Variants in SNRK observed in about 807,000 individuals in gnomAD.
The protein encoded by SNRK is SNF related kinase, also known as SNF-related serine/threonine-protein kinase.
Under a neutral mutation model 48.2 loss-of-function variants are expected in SNRK, and 3 were observed. The observed-to-expected ratio is 0.06, with a 90% CI of 0.03 to 0.16. The LOEUF (loss-of-function observed/expected upper bound fraction) is 0.16, where lower values mean the gene tolerates loss of function less well. Among genes scored for constraint, SNRK ranks in the 10% least tolerant of loss-of-function variants. The pLI is 1.00. For missense variants in SNRK, 627 were observed against 976.0 expected (o/e 0.64, Z 4.76); for synonymous variants, 376 against 366.1 (o/e 1.03, Z -0.31).
At chr3:43,310,010 A>G (rs977677278) in intron 3 of SNRK, among the ~76,000 whole-genome samples, 9 of 152,178 alleles carry the variant, frequency 5.9e-5, no homozygotes, top group Admixed American at 2.0e-4. Context: ...TAGTATAAAC[A>G]TAACTTTTTA....
In SNRK at chr3:43,293,900, CAG is replaced by C. The variant is rs374892120; in HGVS notation, c.-168-5851_-168-5850del. 3.0e-3 allele frequency among the ~76,000 whole-genome samples: 461 copies of C among 151,428 alleles called. 4 individuals carry two copies. The highest frequency in any genetic ancestry group is 0.011 in the African/African-American group (439 of 41,212). ...TGCCACTGCAATCCAGCCTGTGTGA[CAG>C]AGTGAGGCTCTGTCTCAAGAAAAAA... On this transcript the variant is annotated intron_variant, in intron 1 of 6. Coordinates refer to ENST00000296088, the MANE Select transcript of SNRK (RefSeq NM_017719.5).
At chr3:43,296,417 T>TATATATATATATAC (rs1553632574) in intron 1 of SNRK, among the ~76,000 whole-genome samples, 106 of 128,986 alleles carry the variant, frequency 8.2e-4, no homozygotes, top group African/African-American at 3.2e-3. Flanking sequence ...TATACTGGCA[T>TATATATATATATAC]ATATATATAT....
chr3:43,288,821 G>T (rs2090787308), intron 1 of SNRK, among the ~76,000 whole-genome samples: 1 of 152,188 alleles, frequency 6.6e-6, no homozygotes, highest in Non-Finnish European at 1.5e-5. Context: ...CTTAAAGATA[G>T]AGTGTTTATA....
At chr3:43,346,512 G>A (rs1447541256) in intron 6 of SNRK, among the ~76,000 whole-genome samples, 2 of 152,180 alleles carry the variant, frequency 1.3e-5, no homozygotes, top group Non-Finnish European at 2.9e-5. Flanking sequence ...GCTCCAGGTT[G>A]GGAGATAAAA....
intron 4 of SNRK, among the ~76,000 whole-genome samples, chr3:43,333,876 A>G (rs1032493231): frequency 6.6e-6 from 1 of 152,068 alleles, no homozygotes; most frequent in Non-Finnish European, 1.5e-5. Context: ...GGCTGGGCGC[A>G]GTGGCTCACA....
At chr3:43,332,415 A>G (rs1209718207) in intron 4 of SNRK, 105 bp downstream of exon 4, 4 of 635,440 alleles carry the variant, frequency 6.3e-6, no homozygotes, top group African/African-American at 2.0e-5. Flanking sequence ...CAAACATCCA[A>G]GCATCTGGGT....
intron 3 of SNRK, among the ~76,000 whole-genome samples, chr3:43,329,957 T>C (rs1159379242): frequency 1.3e-5 from 2 of 152,334 alleles, no homozygotes; most frequent in African/African-American, 4.8e-5. Flanking sequence ...CTATCAGATA[T>C]CCAGTTTGGC....
chr3:43,347,576 G>T lies in SNRK; in HGVS notation c.1317G>T (p.Arg439=), dbSNP rs765798650. The change falls in exon 7 of 7, where the codon CGG becomes CGT. Residue 439 remains arginine (R), a synonymous_variant. Coordinates refer to ENST00000296088, the MANE Select transcript of SNRK (RefSeq NM_017719.5). This position sits in a 1 kb window ranked among gnomAD's most constrained non-coding sequence, Gnocchi z 5.4. Reference sequence around the variant, plus strand: ...GCTTAAAACCCACAGCCAGTGGGCGGAAGTGTCTGTTCAGGGTGGAAGAAG... The same window carrying T: ...GCTTAAAACCCACAGCCAGTGGGCGTAAGTGTCTGTTCAGGGTGGAAGAAG... The part of the protein sequence containing the change: ...PASLKPTASG[R]KCLFRVEEDE... 6.2e-7 allele frequency: 1 copy of T among 1,614,054 alleles called. No individual in the cohort carries two copies. Among genetic ancestry groups the T allele is most frequent in the Middle Eastern group, 1.6e-4 (1 of 6,062 alleles).
chr3:43,335,785 T>C (rs369179133), intron 4 of SNRK, among the ~76,000 whole-genome samples: 11 of 152,338 alleles, frequency 7.2e-5, no homozygotes, highest in African/African-American at 2.4e-4. Flanking sequence ...CTTCCCATTC[T>C]ATCAATTTGT....
chr3:43,321,312 ATGTTACTTT>A (rs60641695), intron 3 of SNRK, among the ~76,000 whole-genome samples: 1,580 of 152,234 alleles, frequency 0.01, 25 homozygotes, highest in African/African-American at 0.035. Flanking sequence ...AATTGTTTTT[ATGTTACTTT>A]ATGTAAGATA....
chr3:43,309,625 T>TA (rs1176338414), intron 3 of SNRK, among the ~76,000 whole-genome samples: 3 of 151,470 alleles, frequency 2.0e-5, no homozygotes, highest in Non-Finnish European at 2.9e-5. Flanking sequence ...TTTTTTTTTT[T>TA]TTATTCTTTG....
In SNRK at chr3:43,348,265, A is replaced by G; in HGVS notation, c.2006A>G (p.Gln669Arg). The change falls in exon 7 of 7, where the codon CAG becomes CGG. Residue 669 changes from glutamine (Q) to arginine (R), a missense_variant. Transcript: ENST00000296088. ...HGSTKYIIDP[Q>R]NGLSFSSVKV... ...AGCACCAAGTACATTATTGATCCAC[A>G]GAATGGCTTGTCATTTTCCAGTGTG... The G allele has an allele frequency of 1.2e-6, 2 of 1,614,150 alleles. No homozygotes were observed. The highest frequency in any genetic ancestry group is 2.7e-5 in the African/African-American group (2 of 75,056).
At position 43,301,652 on chromosome 3, in the gene SNRK, A is replaced by G. The variant is rs566760779; in HGVS notation, c.-106-1446A>G. On this transcript the variant is annotated intron_variant, in intron 2 of 6. Transcript: ENST00000296088. Reference sequence around the variant, plus strand: ...AATTAAAAAAAAACTTACCTATTATATGTCAAATTTCGTTTTTTGGGATAT... The same window carrying G: ...AATTAAAAAAAAACTTACCTATTATGTGTCAAATTTCGTTTTTTGGGATAT... 3.9e-5 allele frequency among the ~76,000 whole-genome samples: 6 copies of G among 152,332 alleles called. No individual in the cohort carries two copies. The South Asian group carries it at 1.0e-3, about 26-fold the overall frequency.
intron 5 of SNRK, chr3:43,340,725 C>A: frequency 1.8e-6 from 1 of 542,176 alleles, no homozygotes. Flanking sequence ...TGGGTGGTTT[C>A]AGTGAGTGCT....
intron 4 of SNRK, among the ~76,000 whole-genome samples, chr3:43,339,516 T>C (rs1181123630): frequency 6.6e-6 from 1 of 152,016 alleles, no homozygotes; most frequent in Non-Finnish European, 1.5e-5. Flanking sequence ...TAAAATAGTT[T>C]CCTAAAAATA....
intron 3 of SNRK, among the ~76,000 whole-genome samples, chr3:43,320,808 C>G (rs2091047929): frequency 6.6e-6 from 1 of 151,942 alleles, no homozygotes. Context: ...CTCCTGAGGT[C>G]ACACTTTTAA....
chr3:43,296,174 AT>A (rs918008960), intron 1 of SNRK, among the ~76,000 whole-genome samples: 42 of 152,182 alleles, frequency 2.8e-4, no homozygotes, highest in African/African-American at 9.9e-4. Flanking sequence ...CATTTTTAAA[AT>A]TTTAGCAGTA....
At chr3:43,288,740 C>A (rs1038446265) in intron 1 of SNRK, among the ~76,000 whole-genome samples, 9 of 152,148 alleles carry the variant, frequency 5.9e-5, no homozygotes, top group African/African-American at 1.7e-4. Flanking sequence ...TTTCCATAGG[C>A]CAGAATCTTA....
chr3:43,321,052 A>G (rs2091049834), intron 3 of SNRK, among the ~76,000 whole-genome samples: 1 of 151,320 alleles, frequency 6.6e-6, no homozygotes, highest in Non-Finnish European at 1.5e-5. Flanking sequence ...GTACTCAGTT[A>G]TCAGTTTGTG....
Sources: allele counts gnomAD v4.1 joint callset (sites outside exome capture counted in the v4.1 genomes callset), GRCh38; gene constraint gnomAD v4.1.1; non-coding constraint Gnocchi (gnomAD v3.1); transcripts MANE v1.5; gene names NCBI Gene and HGNC (gene_info 2026-07-23, HGNC 2026-07-21).